The following CACNA2D2 variants were observed in gnomAD, a reference collection of about 807,000 sequenced individuals.
CACNA2D2 encodes the protein voltage-dependent calcium channel subunit alpha-2/delta-2.
Under a neutral mutation model 166.4 loss-of-function variants are expected in CACNA2D2, and 48 were observed. The observed-to-expected ratio is 0.29, with a 90% CI of 0.23 to 0.37. The LOEUF (loss-of-function observed/expected upper bound fraction) is 0.37, where lower values mean the gene tolerates loss of function less well. Among genes scored for constraint, CACNA2D2 ranks in the 10% least tolerant of loss-of-function variants. The pLI is 1.00. For missense variants in CACNA2D2, 1,122 were observed against 1,433.0 expected, an observed-to-expected ratio of 0.78 and a Z score of 3.50; for synonymous variants, 561 against 573.7, an observed-to-expected ratio of 0.98 and a Z score of 0.32.
chr3:50,423,654 G>A (rs1707675418), intron 3 of CACNA2D2, among the ~76,000 whole-genome samples: 1 of 152,258 alleles, frequency 6.6e-6, no homozygotes, highest in South Asian at 2.1e-4. Flanking sequence ...CCGTAACTGG[G>A]CTCCAGCTGG....
In CACNA2D2 at chr3:50,380,090, T is replaced by C; in HGVS notation, c.843-72A>G. 1.4e-6 allele frequency: 2 copies of C among 1,464,246 alleles called. No individual in the cohort carries two copies. The highest frequency in any genetic ancestry group is 2.3e-5 in the South Asian group (2 of 87,538). The allele number at this position is 1,464,246 out of a possible 1,614,324, so 90.7% of individuals were successfully genotyped here. On this transcript the variant is annotated intron_variant, in intron 8 of 37. Coordinates refer to ENST00000424201, the MANE Select transcript of CACNA2D2 (RefSeq NM_006030.4). This position sits in a 1 kb window ranked among gnomAD's most constrained non-coding sequence, Gnocchi z 4.9. ...TGGGTCCTTCCTTCCTTCACATACATATTGATTCAATACATTTCTCTTGAG... is the reference window on the plus strand; with the variant it reads ...TGGGTCCTTCCTTCCTTCACATACACATTGATTCAATACATTTCTCTTGAG...
intron 1 of CACNA2D2, among the ~76,000 whole-genome samples, chr3:50,495,988 C>T (rs77808921): frequency 1.3e-5 from 2 of 152,222 alleles, no homozygotes; most frequent in South Asian, 2.1e-4. Flanking sequence ...ACTGTCATCA[C>T]GCCAGTTGGT....
chr3:50,441,503 A>T (rs1472288583), intron 2 of CACNA2D2, among the ~76,000 whole-genome samples: 1 of 152,202 alleles, frequency 6.6e-6, no homozygotes, highest in Non-Finnish European at 1.5e-5. Context: ...CAATAAACCA[A>T]ATCCTCCCAG....
At chr3:50,410,893 T>C (rs147173225) in intron 3 of CACNA2D2, among the ~76,000 whole-genome samples, 4 of 152,350 alleles carry the variant, frequency 2.6e-5, no homozygotes, top group African/African-American at 7.2e-5. Flanking sequence ...TGTGTGTGTG[T>C]ACATAAACAC....
chr3:50,502,200 G>A (rs532063027), intron 1 of CACNA2D2, among the ~76,000 whole-genome samples: 5 of 152,222 alleles, frequency 3.3e-5, no homozygotes, highest in South Asian at 2.1e-4. Flanking sequence ...CCAGCAGCCC[G>A]ACGACTCATG....
Position 50,374,817 on chromosome 3 carries a change from AG to A in CACNA2D2, c.1908-5del. ...GGGTGGGAGCACCAGCCCCAGGCTGAGGGGGGAGAAGCTCGGGTCACGGCTG... is the reference window on the plus strand; with the variant it reads ...GGGTGGGAGCACCAGCCCCAGGCTGAGGGGGAGAAGCTCGGGTCACGGCTG... On this transcript the variant is annotated splice_polypyrimidine_tract_variant and splice_region_variant and intron_variant, in intron 21 of 37. Transcript: ENST00000424201. 1.9e-6 allele frequency: 3 copies of A among 1,583,816 alleles called. No homozygotes were observed. The highest frequency in any genetic ancestry group is 2.3e-5 in the East Asian group (1 of 43,474).
Position 50,380,866 on chromosome 3 carries a change from C to A in CACNA2D2, c.785-61G>T, listed in dbSNP as rs1446073730. On this transcript the variant is annotated intron_variant, in intron 7 of 37. Coordinates refer to ENST00000424201, the MANE Select transcript of CACNA2D2 (RefSeq NM_006030.4). This position sits in a 1 kb window ranked among gnomAD's most constrained non-coding sequence, Gnocchi z 4.9. ...AAAGGGCTGGCCTGGGTAGGCAGACCTTGCAGAGGCGACTGGGCTGCCACA... is the reference window on the plus strand; with the variant it reads ...AAAGGGCTGGCCTGGGTAGGCAGACATTGCAGAGGCGACTGGGCTGCCACA... The A allele has an allele frequency of 1.3e-6, 2 of 1,529,130 alleles. No homozygotes were observed. The highest frequency in any genetic ancestry group is 1.4e-5 in the African/African-American group (1 of 72,566). 94.7% of individuals were successfully genotyped at this position (1,529,130 alleles called of 1,614,324 possible). A position where few individuals can be genotyped will look rare whatever the true frequency, so the allele number is the denominator to read the frequency against.
At chr3:50,497,380 G>A (rs914349728) in intron 1 of CACNA2D2, among the ~76,000 whole-genome samples, 1 of 152,226 alleles carries the variant, frequency 6.6e-6, no homozygotes, top group African/African-American at 2.4e-5. Flanking sequence ...CTAAGATGGG[G>A]GCTTTCAGAA....
chr3:50,465,753 A>C (rs1314051792), intron 2 of CACNA2D2, among the ~76,000 whole-genome samples: 1 of 152,114 alleles, frequency 6.6e-6, no homozygotes, highest in Non-Finnish European at 1.5e-5. Flanking sequence ...CATGCAGAGG[A>C]AACTGGATTG....
intron 3 of CACNA2D2, among the ~76,000 whole-genome samples, chr3:50,421,273 C>T (rs1413534956): frequency 6.6e-6 from 1 of 152,188 alleles, no homozygotes; most frequent in African/African-American, 2.4e-5. Flanking sequence ...AGGGCAGTCA[C>T]GCAGGGAGAT....
At chr3:50,374,680 G>GCCAGGGTGC in intron 22 of CACNA2D2, 57 bp downstream of exon 22, 1 of 1,546,272 alleles carries the variant, frequency 6.5e-7, no homozygotes, top group Non-Finnish European at 8.8e-7. Context: ...CCTGGGGCCG[G>GCCAGGGTGC]CCAGGGTGCG....
rs1704007806 is a variant in CACNA2D2, at chr3:50,362,936, T to A, written c.*1730A>T. On this transcript the variant is annotated 3_prime_UTR_variant, in exon 38 of 38. Transcript: ENST00000424201. ...TTGTCGCTGTTGTTTTTCCAACTTG[T>A]CTGTACAAAATAGAACAACAAAAAA... The A allele has an allele frequency of 5.0e-6, 2 of 396,722 alleles. No homozygotes were observed. The highest frequency in any genetic ancestry group is 4.4e-6 in the Non-Finnish European group (1 of 225,354). 24.6% of individuals were successfully genotyped at this position (396,722 alleles called of 1,614,324 possible). A position where few individuals can be genotyped will look rare whatever the true frequency, so the allele number is the denominator to read the frequency against.
intron 2 of CACNA2D2, among the ~76,000 whole-genome samples, chr3:50,455,980 G>A: frequency 6.6e-6 from 1 of 151,990 alleles, no homozygotes; most frequent in East Asian, 1.9e-4. Context: ...CCAGGATAGT[G>A]CCCCACAGCC....
chr3:50,365,152 T>C lies in CACNA2D2; in HGVS notation c.3131A>G (p.Asn1044Ser), dbSNP rs1276437641. Reference sequence around the variant, plus strand: ...CTTCTCGGCCACCACAAAGAGAAGATTGGTGTTGGTCAGTCTCTGCGCGTG... The same window carrying C: ...CTTCTCGGCCACCACAAAGAGAAGACTGGTGTTGGTCAGTCTCTGCGCGTG... ...LFHAQRLTNTNLLFVVAEKPL... is the reference protein window; with the variant it reads ...LFHAQRLTNTSLLFVVAEKPL... Residue 1044 changes from asparagine (N) to serine (S), a missense_variant, in exon 36 of 38, where the codon AAT becomes AGT. By Grantham distance (46) the Asn-to-Ser change is conservative. Around this residue, in one of 2 missense-constraint regions of CACNA2D2, gnomAD observed 282 missense variants for 266.2 expected, o/e 1.06. Transcript: ENST00000424201. The surrounding 1 kb of genome is among the most constrained non-coding windows in gnomAD (Gnocchi z 4.5). The C allele has an allele frequency of 6.2e-7, 1 of 1,612,112 alleles. No individual in the cohort carries two copies.
chr3:50,454,427 AC>A (rs1250973837), intron 2 of CACNA2D2, among the ~76,000 whole-genome samples: 1 of 150,764 alleles, frequency 6.6e-6, no homozygotes, highest in East Asian at 2.0e-4. Flanking sequence ...CCCCCCAGCC[AC>A]CCCCAACCTG....
At chr3:50,396,890 T>C (rs1225129576) in intron 3 of CACNA2D2, among the ~76,000 whole-genome samples, 1 of 152,196 alleles carries the variant, frequency 6.6e-6, no homozygotes, top group African/African-American at 2.4e-5. Context: ...AGGCGGTCTC[T>C]TGCCGCAGAA....
rs558414815 is a variant in CACNA2D2, at chr3:50,398,529, A to C, written c.406-4361T>G. Among the ~76,000 whole-genome samples, 13 of 151,678 alleles carry C rather than the reference A, an allele frequency of 8.6e-5. No homozygotes were observed. In the South Asian group the frequency reaches 2.7e-3, roughly 31 times the overall value. On this transcript the variant is annotated intron_variant, in intron 3 of 37. Transcript: ENST00000424201. ...CTAAATGAAAACTGGGTGTCTCTGG[A>C]CCTGTGTAGAGGCCTGGGCTTGAGT...
At chr3:50,428,032 C>T (rs1226341005) in intron 3 of CACNA2D2, among the ~76,000 whole-genome samples, 1 of 152,160 alleles carries the variant, frequency 6.6e-6, no homozygotes, top group Non-Finnish European at 1.5e-5. Context: ...CTGCCTGCAC[C>T]TCTCCGAGGC....
intron 24 of CACNA2D2, 107 bp from the exon 25 acceptor site, chr3:50,368,009 C>T: frequency 1.7e-6 from 2 of 1,144,482 alleles, no homozygotes; most frequent in Non-Finnish European, 2.6e-6. Context: ...CATGACCTGG[C>T]CCTGGCCCAG....
Sources: gnomAD v4.1 joint callset for allele counts (sites outside exome capture counted in the v4.1 genomes callset) on GRCh38, gnomAD v4.1.1 for gene constraint, gnomAD v4.1.1 regional missense constraint, Gnocchi (gnomAD v3.1) non-coding constraint, MANE v1.5 for transcripts, NCBI Gene and HGNC (gene_info 2026-07-23, HGNC 2026-07-21) for gene names.